Variants in CCDC25 observed in about 807,000 individuals in gnomAD.
CCDC25 encodes the protein coiled-coil domain containing 25, also known as coiled-coil domain-containing protein 25.
A neutral mutation model predicts 35.3 loss-of-function variants in CCDC25; 16 were observed. The observed-to-expected ratio is 0.45, with a 90% CI of 0.31 to 0.69. CCDC25 has a LOEUF of 0.69. Among genes scored for constraint, CCDC25 ranks in the 30% least tolerant of loss-of-function variants. CCDC25 has a pLI of 0.06. For synonymous variants in CCDC25, 79 were observed against 80.3 expected, an observed-to-expected ratio of 0.98 and a Z score of 0.09; for missense variants, 179 against 250.7, an observed-to-expected ratio of 0.71 and a Z score of 1.93.
intron 4 of CCDC25, among the ~76,000 whole-genome samples, chr8:27,755,451 G>T (rs1284703524): frequency 6.6e-6 from 1 of 152,022 alleles, no homozygotes; most frequent in African/African-American, 2.4e-5. Flanking sequence ...AATAAATAGG[G>T]GAAAAGAGAC....
At chr8:27,761,218 A>C (rs1232709657) in intron 3 of CCDC25, among the ~76,000 whole-genome samples, 2 of 152,162 alleles carry the variant, frequency 1.3e-5, no homozygotes, top group Non-Finnish European at 2.9e-5. Context: ...GTCTGTGTCC[A>C]CATTTGGAGA....
intron 7 of CCDC25, among the ~76,000 whole-genome samples, chr8:27,741,958 G>T (rs985014769): frequency 3.3e-5 from 5 of 152,160 alleles, no homozygotes; most frequent in African/African-American, 4.8e-5. Flanking sequence ...CTCTTATCAG[G>T]CCACAGCTTA....
At chr8:27,756,458 TGACA>T in intron 4 of CCDC25, 2 of 380,626 alleles carry the variant, frequency 5.3e-6, no homozygotes, top group South Asian at 7.1e-5. Context: ...AAAGCAGAGA[TGACA>T]GACAGCACAC....
At chr8:27,760,898 G>A (rs1365096383) in intron 3 of CCDC25, among the ~76,000 whole-genome samples, 1 of 152,192 alleles carries the variant, frequency 6.6e-6, no homozygotes, top group African/African-American at 2.4e-5. Context: ...GTCCAACGCG[G>A]GTAGATCACC....
At chr8:27,746,932 G>GT (rs1382802237) in intron 7 of CCDC25, among the ~76,000 whole-genome samples, 1 of 152,114 alleles carries the variant, frequency 6.6e-6, no homozygotes, top group Non-Finnish European at 1.5e-5. Context: ...ACTGGGTTAG[G>GT]ACATGCCTAA....
intron 2 of CCDC25, 50 bp from the exon 3 acceptor site, chr8:27,762,508 T>C (rs776770807): frequency 7.7e-6 from 12 of 1,552,168 alleles, no homozygotes; most frequent in Middle Eastern, 1.7e-4. Context: ...CAAATGAAGA[T>C]ATGCCAGGGT....
intron 8 of CCDC25, among the ~76,000 whole-genome samples, chr8:27,739,975 G>A (rs969935376): frequency 2.0e-5 from 3 of 152,144 alleles, no homozygotes; most frequent in Non-Finnish European, 2.9e-5. Flanking sequence ...GTCACCATCT[G>A]TTTCTATCCC....
At chr8:27,743,405 G>C (rs1020500835) in intron 7 of CCDC25, among the ~76,000 whole-genome samples, 1 of 152,164 alleles carries the variant, frequency 6.6e-6, no homozygotes, top group African/African-American at 2.4e-5. Context: ...AGACAAACAC[G>C]GCCAGCAAGG....
chr8:27,740,150 C>A (rs555370066), intron 8 of CCDC25, among the ~76,000 whole-genome samples: 1 of 151,726 alleles, frequency 6.6e-6, no homozygotes, highest in East Asian at 1.9e-4. Flanking sequence ...TAAATAAAGG[C>A]ACTTTTGCAT....
intron 3 of CCDC25, among the ~76,000 whole-genome samples, chr8:27,759,906 T>C (rs930245866): frequency 1.3e-5 from 2 of 151,634 alleles, no homozygotes; most frequent in South Asian, 2.1e-4. Flanking sequence ...ACAGAGGTAA[T>C]GAATGATTCA....
intron 4 of CCDC25, among the ~76,000 whole-genome samples, chr8:27,754,036 AC>A (rs1486420889): frequency 5.3e-5 from 8 of 152,248 alleles, no homozygotes; most frequent in African/African-American, 1.9e-4. Flanking sequence ...AGCATTTTAA[AC>A]AATACTTTCA....
intron 7 of CCDC25, among the ~76,000 whole-genome samples, chr8:27,745,618 C>T (rs1162702190): frequency 2.0e-5 from 3 of 152,152 alleles, no homozygotes; most frequent in Non-Finnish European, 4.4e-5. Flanking sequence ...AAACACATTA[C>T]AAAACAAGTC....
intron 4 of CCDC25, chr8:27,756,303 C>T (rs1464864141): frequency 6.3e-6 from 1 of 159,750 alleles, no homozygotes; most frequent in Non-Finnish European, 1.4e-5. Context: ...TTATTACTAG[C>T]ATGTTCTTTT....
chr8:27,761,727 C>T (rs1391523825), intron 3 of CCDC25, among the ~76,000 whole-genome samples: 2 of 152,012 alleles, frequency 1.3e-5, no homozygotes, highest in Admixed American at 6.5e-5. Context: ...GACAGAAGCC[C>T]ATGTATTCAT....
Position 27,752,585 on chromosome 8 carries a change from T to A in CCDC25, c.171A>T (p.Gly57=). 6.2e-7 allele frequency: 1 copy of A among 1,612,828 alleles called. No individual in the cohort carries two copies. The change falls in exon 5 of 9, where the codon GGA becomes GGT. Residue 57 remains glycine (G), a splice_region_variant and synonymous_variant. Coordinates refer to ENST00000356537, the MANE Select transcript of CCDC25 (RefSeq NM_018246.3). ...CCTTTGGGATGTCTTCTATATTCTC[T>A]CCCTGAAACACAAAAATAAACCAAT... is the stretch of plus-strand genomic sequence containing the variant. The part of the protein sequence containing the change: ...SAHVYLRLHK[G]ENIEDIPKEV...
chr8:27,738,572 GTATA>G (rs1288969545), intron 8 of CCDC25, among the ~76,000 whole-genome samples: 1 of 147,198 alleles, frequency 6.8e-6, no homozygotes, highest in East Asian at 2.0e-4. Context: ...GATGGTGTTT[GTATA>G]TGTATGTATG....
chr8:27,744,879 G>A (rs950039672), intron 7 of CCDC25, among the ~76,000 whole-genome samples: 4 of 152,148 alleles, frequency 2.6e-5, no homozygotes, highest in Non-Finnish European at 4.4e-5. Context: ...TGAAAATCAA[G>A]TTCATGTCAA....
chr8:27,764,614 G>C (rs1017849402), intron 2 of CCDC25: 4 of 231,404 alleles, frequency 1.7e-5, no homozygotes, highest in African/African-American at 9.5e-5. Context: ...TTTAATGACA[G>C]CAAAATGCCA....
Position 27,762,357 on chromosome 8 carries a change from T to C in CCDC25, c.116+62A>G, listed in dbSNP as rs189618150. The C allele has an allele frequency of 1.1e-5, 16 of 1,459,938 alleles. No homozygotes were observed. In the East Asian group the frequency reaches 2.7e-4, roughly 25 times the overall value. The allele number at this position is 1,459,938 out of a possible 1,614,324, so 90.4% of individuals were successfully genotyped here. Reference sequence around the variant, plus strand: ...CAAAGCATGATTCTAGTTTGAATGCTTGGCCAAGTCTAAGAAAGGAAATGA... The same window carrying C: ...CAAAGCATGATTCTAGTTTGAATGCCTGGCCAAGTCTAAGAAAGGAAATGA... On this transcript the variant is annotated intron_variant, in intron 3 of 8. Coordinates refer to ENST00000356537, the MANE Select transcript of CCDC25 (RefSeq NM_018246.3).
Sources: allele counts gnomAD v4.1 joint callset (sites outside exome capture counted in the v4.1 genomes callset), GRCh38; gene constraint gnomAD v4.1.1; transcripts MANE v1.5; gene names NCBI Gene and HGNC (gene_info 2026-07-23, HGNC 2026-07-21).